DENND2C: variants seen among roughly 807,000 people sequenced by gnomAD.
DENND2C encodes DENN domain containing 2C.
DENND2C carries 72 observed loss-of-function variants against 112.4 expected under a neutral mutation model. That is an observed-to-expected ratio of 0.64 (90% CI 0.53 to 0.78). The LOEUF (loss-of-function observed/expected upper bound fraction) is 0.78, where lower values mean the gene tolerates loss of function less well. Ranked by LOEUF, DENND2C falls within the 30% of genes least tolerant of loss-of-function variation. The probability of loss-of-function intolerance (pLI) is 0.00; values close to 1 mark genes in which losing one functional copy is unlikely to be tolerated. For missense variants in DENND2C, 992 were observed against 1,113.8 expected, an observed-to-expected ratio of 0.89 and a Z score of 1.56; for synonymous variants, 329 against 381.6, an observed-to-expected ratio of 0.86 and a Z score of 1.61.
At chr1:114,648,975 A>C (rs1364607144) in intron 2 of DENND2C, among the ~76,000 whole-genome samples, 1 of 150,310 alleles carries the variant, frequency 6.7e-6, no homozygotes, top group Non-Finnish European at 1.5e-5. Context: ...TTTTTTTGAG[A>C]CAGAGTCTCA....
intron 3 of DENND2C, among the ~76,000 whole-genome samples, chr1:114,638,511 C>A (rs142188538): frequency 1.3e-5 from 2 of 152,050 alleles, no homozygotes; most frequent in Admixed American, 6.5e-5. Context: ...GTAATCCCAG[C>A]ACTTTGGGGG....
chr1:114,652,299 A>G (rs535770214), intron 2 of DENND2C, among the ~76,000 whole-genome samples: 2 of 152,338 alleles, frequency 1.3e-5, no homozygotes, highest in Admixed American at 6.5e-5. Flanking sequence ...ATATACATAT[A>G]TCTATATACC....
chr1:114,618,103 C>T (rs1376807905), intron 8 of DENND2C, among the ~76,000 whole-genome samples: 1 of 152,038 alleles, frequency 6.6e-6, no homozygotes, highest in Non-Finnish European at 1.5e-5. Context: ...ATTCTCCTGC[C>T]TCAGCCTCTT....
At chr1:114,629,660 GCTCTT>G (rs1656436645) in intron 3 of DENND2C, among the ~76,000 whole-genome samples, 1 of 152,014 alleles carries the variant, frequency 6.6e-6, no homozygotes, top group African/African-American at 2.4e-5. Flanking sequence ...ATTTTCTATT[GCTCTT>G]CTGTGTATTT....
At chr1:114,638,951 G>A (rs1365897119) in intron 3 of DENND2C, among the ~76,000 whole-genome samples, 1 of 150,832 alleles carries the variant, frequency 6.6e-6, no homozygotes, top group Non-Finnish European at 1.5e-5. Context: ...TATATCTGAT[G>A]AGGACTTAAA....
chr1:114,608,538 A>G (rs990669061), intron 10 of DENND2C, 148 bp downstream of exon 10: 3 of 815,502 alleles, frequency 3.7e-6, no homozygotes, highest in Admixed American at 5.8e-5. Flanking sequence ...CATACCTAAC[A>G]TAAGATGTTT....
chr1:114,621,786 C>T lies in DENND2C; in HGVS notation c.1227+109G>A. The T allele has an allele frequency of 3.0e-6, 4 of 1,351,452 alleles. 1 individual carries two copies. In the South Asian group the frequency reaches 5.8e-5, roughly 20 times the overall value. 83.7% of individuals were successfully genotyped at this position (1,351,452 alleles called of 1,614,324 possible). Reference sequence around the variant, plus strand: ...ACGCTGCCTTCTAAGTCTTCTAATCCCAGTAGGTCAGTTCTAACCTATTAT... The same window carrying T: ...ACGCTGCCTTCTAAGTCTTCTAATCTCAGTAGGTCAGTTCTAACCTATTAT... On this transcript the variant is annotated intron_variant, in intron 7 of 20. Coordinates refer to ENST00000393274, the MANE Select transcript of DENND2C (RefSeq NM_001256404.2).
intron 7 of DENND2C, 46 bp downstream of exon 7, chr1:114,621,849 A>C (rs1206110236): frequency 7.8e-5 from 121 of 1,547,108 alleles, no homozygotes; most frequent in Non-Finnish European, 9.4e-5. Context: ...TCATTCATGG[A>C]AATGCTGAAG....
intron 10 of DENND2C, among the ~76,000 whole-genome samples, chr1:114,606,504 T>C (rs573753153): frequency 6.6e-6 from 1 of 152,166 alleles, no homozygotes; most frequent in Non-Finnish European, 1.5e-5. Context: ...ATGAAAGAAG[T>C]CGTCCAAGTA....
At chr1:114,648,369 G>A (rs1301690549) in intron 2 of DENND2C, among the ~76,000 whole-genome samples, 2 of 152,152 alleles carry the variant, frequency 1.3e-5, no homozygotes, top group Admixed American at 6.6e-5. Flanking sequence ...CCGAGTTTCA[G>A]CAGGGCCTCA....
chr1:114,587,363 T>TA (rs1234649348), intron 20 of DENND2C, 24 bp downstream of exon 20: 1 of 1,613,702 alleles, frequency 6.2e-7, no homozygotes, highest in African/African-American at 1.3e-5. Flanking sequence ...CACATTTATC[T>TA]AACAGGAAAA....
intron 18 of DENND2C, among the ~76,000 whole-genome samples, chr1:114,594,154 G>A (rs1655274761): frequency 6.6e-6 from 1 of 152,158 alleles, no homozygotes; most frequent in Non-Finnish European, 1.5e-5. Flanking sequence ...AGAGGAATGG[G>A]TACAATTTAA....
intron 9 of DENND2C, among the ~76,000 whole-genome samples, chr1:114,610,054 C>T (rs1278112378): frequency 1.3e-5 from 2 of 152,186 alleles, no homozygotes; most frequent in African/African-American, 4.8e-5. Context: ...GAGCACAAGA[C>T]TATTAATCAT....
intron 18 of DENND2C, among the ~76,000 whole-genome samples, chr1:114,589,828 A>C (rs981463316): frequency 6.6e-6 from 1 of 152,220 alleles, no homozygotes; most frequent in African/African-American, 2.4e-5. Flanking sequence ...GAAATGAATA[A>C]ATTCTCTACC....
At chr1:114,657,595 T>C (rs1295092053) in intron 1 of DENND2C, among the ~76,000 whole-genome samples, 1 of 152,092 alleles carries the variant, frequency 6.6e-6, no homozygotes, top group Admixed American at 6.5e-5. Flanking sequence ...TCAAGTAAGA[T>C]AAAAACTGCA....
At chr1:114,617,696 G>A (rs1156620522) in intron 8 of DENND2C, among the ~76,000 whole-genome samples, 1 of 149,810 alleles carries the variant, frequency 6.7e-6, no homozygotes, top group African/African-American at 2.4e-5. Context: ...AAATTATCCA[G>A]TCTGAAGAAC....
At chr1:114,653,010 C>T (rs936447628) in intron 2 of DENND2C, among the ~76,000 whole-genome samples, 4 of 152,050 alleles carry the variant, frequency 2.6e-5, no homozygotes, top group African/African-American at 4.8e-5. Flanking sequence ...TGAATCTTTT[C>T]GATCCGTGAT....
intron 3 of DENND2C, among the ~76,000 whole-genome samples, chr1:114,638,170 T>C (rs1258625933): frequency 6.6e-6 from 1 of 151,982 alleles, no homozygotes; most frequent in Admixed American, 6.6e-5. Flanking sequence ...TCCACAAAGC[T>C]GGGGAAAGAA....
intron 2 of DENND2C, among the ~76,000 whole-genome samples, chr1:114,646,431 C>G (rs547903274): frequency 6.6e-6 from 1 of 152,020 alleles, no homozygotes. Context: ...AACTAGTGTG[C>G]GATATATTTT....
Sources: allele counts gnomAD v4.1 joint callset (sites outside exome capture counted in the v4.1 genomes callset), GRCh38; gene constraint gnomAD v4.1.1; transcripts MANE v1.5; gene names NCBI Gene and HGNC (gene_info 2026-07-23, HGNC 2026-07-21).